The following KCNA2 variants were observed in gnomAD, a reference collection of about 807,000 sequenced individuals.
The protein encoded by KCNA2 is potassium voltage-gated channel subfamily A member 2, also known as potassium channel, voltage gated shaker related subfamily A, member 2.
Under a neutral mutation model 33.4 loss-of-function variants are expected in KCNA2, and 11 were observed. The observed-to-expected ratio is 0.33, with a 90% CI of 0.21 to 0.55. The LOEUF (loss-of-function observed/expected upper bound fraction) is 0.55, where lower values mean the gene tolerates loss of function less well. KCNA2 is among the 20% of genes least tolerant of loss of function. The pLI is 0.93. For missense variants in KCNA2, 291 were observed against 621.6 expected (o/e 0.47, Z 5.66); for synonymous variants, 222 against 231.3 (o/e 0.96, Z 0.37).
At position 110,595,672 on chromosome 1, in the gene KCNA2, T is replaced by G; in HGVS notation, c.*7611A>C. ...GCATCCAGCTGTTTCTTGAGTGATGTGTACAGCTTACCCCCAAAGAGGCAA... is the reference window on the plus strand; with the variant it reads ...GCATCCAGCTGTTTCTTGAGTGATGGGTACAGCTTACCCCCAAAGAGGCAA... On this transcript the variant is annotated 3_prime_UTR_variant, in exon 3 of 3. Coordinates refer to ENST00000316361, the MANE Select transcript of KCNA2 (RefSeq NM_004974.4). 1.0e-6 allele frequency: 1 copy of G among 985,424 alleles called. No homozygotes were observed. The highest frequency in any genetic ancestry group is 1.2e-6 in the Non-Finnish European group (1 of 829,940). 61.0% of individuals were successfully genotyped at this position (985,424 alleles called of 1,614,324 possible).
intron 1 of KCNA2, among the ~76,000 whole-genome samples, chr1:110,616,202 C>A (rs1164171269): frequency 6.6e-6 from 1 of 152,204 alleles, no homozygotes; most frequent in Non-Finnish European, 1.5e-5. Context: ...ACCTGCAGAT[C>A]CCCAAGTCAG....
At chr1:110,621,152 G>A (rs1026427835) in intron 1 of KCNA2, among the ~76,000 whole-genome samples, 1 of 152,198 alleles carries the variant, frequency 6.6e-6, no homozygotes, top group African/African-American at 2.4e-5. Flanking sequence ...GACTTGCTCT[G>A]TCCTGCAGAG....
In KCNA2 at chr1:110,597,950, T is replaced by C. The variant is rs1010900198; in HGVS notation, c.*5333A>G. ...GCATGTAGGGGAGCCCCTACCTCCA[T>C]CTGTCCCTGCTGGTTGCTTTGATAG... On this transcript the variant is annotated 3_prime_UTR_variant, in exon 3 of 3. Transcript: ENST00000316361. 3 of 985,268 alleles carry C rather than the reference T, an allele frequency of 3.0e-6. No individual in the cohort carries two copies. The highest frequency in any genetic ancestry group is 1.7e-5 in the African/African-American group (1 of 57,236). The allele number at this position is 985,268 out of a possible 1,614,324, so 61.0% of individuals were successfully genotyped here. A position where few individuals can be genotyped will look rare whatever the true frequency, so the allele number is the denominator to read the frequency against.
chr1:110,615,202 ACAG>A (rs1650008521), intron 1 of KCNA2, among the ~76,000 whole-genome samples: 2 of 152,216 alleles, frequency 1.3e-5, no homozygotes, highest in Admixed American at 1.3e-4. Flanking sequence ...CTGTAAGATC[ACAG>A]CAGGGCCCGC....
rs1649148365 is a variant in KCNA2, at chr1:110,597,542, G to A, written c.*5741C>T. 2.0e-6 allele frequency: 2 copies of A among 985,260 alleles called. No homozygotes were observed. Among genetic ancestry groups the A allele is most frequent in the African/African-American group, 1.7e-5 (1 of 57,210 alleles). The allele number at this position is 985,260 out of a possible 1,614,324, so 61.0% of individuals were successfully genotyped here. ...GGTGCACACAGGAAGGAGACAAAGTGACAAAGCCCTCTCACAGGCCTTCCT... is the reference window on the plus strand; with the variant it reads ...GGTGCACACAGGAAGGAGACAAAGTAACAAAGCCCTCTCACAGGCCTTCCT... On this transcript the variant is annotated 3_prime_UTR_variant, in exon 3 of 3. Transcript: ENST00000316361.
intron 1 of KCNA2, among the ~76,000 whole-genome samples, chr1:110,628,306 G>A (rs1464614362): frequency 6.6e-6 from 1 of 152,112 alleles, no homozygotes; most frequent in African/African-American, 2.4e-5. Flanking sequence ...GGGAGCAGTG[G>A]GAGAGTGCAG....
chr1:110,630,009 CTTTTTTTT>C (rs372364243), intron 1 of KCNA2, among the ~76,000 whole-genome samples: 160 of 115,204 alleles, frequency 1.4e-3, no homozygotes, highest in Middle Eastern at 9.6e-3. Flanking sequence ...GTGCTCTGTA[CTTTTTTTT>C]TTTTTTTTTT....
rs926580378 is a variant in KCNA2, at chr1:110,594,586, G to T, written c.*8697C>A. The T allele has an allele frequency of 1.0e-6, 1 of 985,380 alleles. No individual in the cohort carries two copies. The highest frequency in any genetic ancestry group is 1.2e-6 in the Non-Finnish European group (1 of 829,938). 61.0% of individuals were successfully genotyped at this position (985,380 alleles called of 1,614,324 possible). On this transcript the variant is annotated 3_prime_UTR_variant, in exon 3 of 3. Transcript: ENST00000316361. ...AAGAGGCCAATTTGGCTGGGGTATT[G>T]TTTGCTCAGCAGGCTAGAGCTTGAT...
At position 110,593,762 on chromosome 1, in the gene KCNA2, C is replaced by T. The variant is rs1408829183; in HGVS notation, c.*9521G>A. 3.7e-6 allele frequency: 4 copies of T among 1,078,922 alleles called. No individual in the cohort carries two copies. The highest frequency in any genetic ancestry group is 1.6e-5 in the African/African-American group (1 of 62,978). The allele number at this position is 1,078,922 out of a possible 1,614,324, so 66.8% of individuals were successfully genotyped here. A position where few individuals can be genotyped will look rare whatever the true frequency, so the allele number is the denominator to read the frequency against. ...CAATGTTCATTGAGGCACATATGTA[C>T]ACATATATGTATAACCTATGTACAA... On this transcript the variant is annotated 3_prime_UTR_variant, in exon 3 of 3. Transcript: ENST00000316361.
intron 1 of KCNA2, among the ~76,000 whole-genome samples, chr1:110,618,833 C>T (rs911189014): frequency 1.3e-5 from 2 of 152,174 alleles, no homozygotes; most frequent in African/African-American, 2.4e-5. Flanking sequence ...TGCCTTCAGA[C>T]CATCTTCTGA....
rs1649512695 is a variant in KCNA2, at chr1:110,604,535, G to A, written c.248C>T (p.Pro83Leu). 4 of 1,614,092 alleles carry A rather than the reference G, an allele frequency of 2.5e-6. No individual in the cohort carries two copies. The highest frequency in any genetic ancestry group is 3.4e-6 in the Non-Finnish European group (4 of 1,180,042). ...GTAGTACAAAATGGCATCAAAGCTA[G>A]GGCGGTTCCGATCGAAAAAGTACTC... is the stretch of plus-strand genomic sequence containing the variant. ...RNEYFFDRNR[P>L]SFDAILYYYQ... Residue 83 changes from proline (P) to leucine (L), a missense_variant, in exon 3 of 3, where the codon CCT becomes CTT. Pro to Leu is a moderately conservative substitution (Grantham distance 98). Coordinates refer to ENST00000316361, the MANE Select transcript of KCNA2 (RefSeq NM_004974.4). This position sits in a 1 kb window ranked among gnomAD's most constrained non-coding sequence, Gnocchi z 7.6.
At chr1:110,626,947 G>A (rs1650407131) in intron 1 of KCNA2, among the ~76,000 whole-genome samples, 1 of 152,194 alleles carries the variant, frequency 6.6e-6, no homozygotes, top group Non-Finnish European at 1.5e-5. Flanking sequence ...ATGTGATGAC[G>A]ATGACGATGA....
Position 110,599,337 on chromosome 1 carries a change from T to G in KCNA2, c.*3946A>C. On this transcript the variant is annotated 3_prime_UTR_variant, in exon 3 of 3. Coordinates refer to ENST00000316361, the MANE Select transcript of KCNA2 (RefSeq NM_004974.4). ...TTAAATATGGCCTTAGAATATAGGATAAAGTCAGGCCCTCTAAAAAGTGTT... is the reference window on the plus strand; with the variant it reads ...TTAAATATGGCCTTAGAATATAGGAGAAAGTCAGGCCCTCTAAAAAGTGTT... 1 of 985,006 alleles carries G rather than the reference T, an allele frequency of 1.0e-6. No individual in the cohort carries two copies. The highest frequency in any genetic ancestry group is 1.2e-6 in the Non-Finnish European group (1 of 829,532). The allele number at this position is 985,006 out of a possible 1,614,324, so 61.0% of individuals were successfully genotyped here.
intron 1 of KCNA2, among the ~76,000 whole-genome samples, chr1:110,613,762 G>A (rs1252394195): frequency 6.6e-6 from 1 of 152,170 alleles, no homozygotes; most frequent in Non-Finnish European, 1.5e-5. Context: ...TAAGCATCTT[G>A]TTCAGGGTCA....
Position 110,598,259 on chromosome 1 carries a change from C to T in KCNA2, c.*5024G>A. On this transcript the variant is annotated 3_prime_UTR_variant, in exon 3 of 3. Transcript: ENST00000316361. ...ATTATGACAATGGGCCCCAGGAAAG[C>T]TCTGGGGAGCAGAGCTCAGCACCAT... The T allele has an allele frequency of 1.6e-6, 1 of 628,158 alleles. No individual in the cohort carries two copies. The highest frequency in any genetic ancestry group is 2.0e-6 in the Non-Finnish European group (1 of 503,762). 38.9% of individuals were successfully genotyped at this position (628,158 alleles called of 1,614,324 possible).
intron 1 of KCNA2, among the ~76,000 whole-genome samples, chr1:110,612,382 T>C (rs553877340): frequency 2.6e-5 from 4 of 152,186 alleles, no homozygotes; most frequent in Non-Finnish European, 4.4e-5. Flanking sequence ...TGCTGAATAG[T>C]GTAGGTGATT....
At position 110,597,284 on chromosome 1, in the gene KCNA2, A is replaced by G; in HGVS notation, c.*5999T>C. 1 of 985,366 alleles carries G rather than the reference A, an allele frequency of 1.0e-6. No individual in the cohort carries two copies. Among genetic ancestry groups the G allele is most frequent in the Non-Finnish European group, 1.2e-6 (1 of 829,848 alleles). 61.0% of individuals were successfully genotyped at this position (985,366 alleles called of 1,614,324 possible). ...AGGATCAAGTAATGGCTTTTAGTGC[A>G]TGGAAATGATCTTCTGTAATGGCTC... On this transcript the variant is annotated 3_prime_UTR_variant, in exon 3 of 3. Transcript: ENST00000316361.
intron 1 of KCNA2, among the ~76,000 whole-genome samples, chr1:110,622,786 A>G (rs1650293320): frequency 6.6e-6 from 1 of 152,222 alleles, no homozygotes; most frequent in Non-Finnish European, 1.5e-5. Context: ...AGGATGTGAA[A>G]GACCTATACA....
intron 1 of KCNA2, among the ~76,000 whole-genome samples, chr1:110,616,877 AAGC>A (rs1299029009): frequency 6.6e-6 from 1 of 152,236 alleles, no homozygotes; most frequent in Non-Finnish European, 1.5e-5. Flanking sequence ...ATGGATAAGG[AAGC>A]AGAATTGTCA....
Sources: allele counts gnomAD v4.1 joint callset (sites outside exome capture counted in the v4.1 genomes callset), GRCh38; gene constraint gnomAD v4.1.1; non-coding constraint Gnocchi (gnomAD v3.1); transcripts MANE v1.5; gene names NCBI Gene and HGNC (gene_info 2026-07-23, HGNC 2026-07-21).